KLHL12: variants seen among roughly 807,000 people sequenced by gnomAD.
The protein encoded by KLHL12 is kelch like family member 12.
Under a neutral mutation model 60.8 loss-of-function variants are expected in KLHL12, and 17 were observed. That is an observed-to-expected ratio of 0.28 (90% CI 0.19 to 0.42). The LOEUF (loss-of-function observed/expected upper bound fraction) is 0.42, where lower values mean the gene tolerates loss of function less well. Among genes scored for constraint, KLHL12 ranks in the 10% least tolerant of loss-of-function variants. KLHL12 has a pLI of 1.00. For synonymous variants in KLHL12, 220 were observed against 250.9 expected, an observed-to-expected ratio of 0.88 and a Z score of 1.16; for missense variants, 468 against 722.3, an observed-to-expected ratio of 0.65 and a Z score of 4.04.
At position 202,893,102 on chromosome 1, in the gene KLHL12, C is replaced by A. The variant is rs1659727128; in HGVS notation, c.1580+137G>T. 1.6e-6 allele frequency: 1 copy of A among 632,684 alleles called. No individual in the cohort carries two copies. Among genetic ancestry groups the A allele is most frequent in the Non-Finnish European group, 2.6e-6 (1 of 377,720 alleles). The allele number at this position is 632,684 out of a possible 1,614,324, so 39.2% of individuals were successfully genotyped here. On this transcript the variant is annotated intron_variant, in intron 11 of 11. Coordinates refer to ENST00000367261, the MANE Select transcript of KLHL12 (RefSeq NM_021633.4). The surrounding 1 kb of genome is among the most constrained non-coding windows in gnomAD (Gnocchi z 4.1). The stretch of plus-strand genomic sequence containing the variant: ...TCTGTCTCTAAAAAATAAAAAAAAT[C>A]TAATAAAAAAAATCAAGTTGCCACT...
intron 2 of KLHL12, among the ~76,000 whole-genome samples, chr1:202,924,577 T>G (rs1049897582): frequency 6.6e-6 from 1 of 152,084 alleles, no homozygotes; most frequent in Middle Eastern, 3.2e-3. Context: ...GTGGGCAACA[T>G]AGTGAGACCC....
chr1:202,912,062 T>C (rs1423662780), intron 4 of KLHL12: 2 of 787,962 alleles, frequency 2.5e-6, no homozygotes, highest in Admixed American at 3.4e-5. Flanking sequence ...GATGGAAGAG[T>C]TGGAGAACCA....
rs528318422 is a variant in KLHL12 at position 202,892,111 on chromosome 1, C to G, written c.*422G>C. Reference sequence around the variant, plus strand: ...AAAAAAAAAAAGACTTGGATTTTACCAAGTTTACTTAAACTGGTATCTTTC... The same window carrying G: ...AAAAAAAAAAAGACTTGGATTTTACGAAGTTTACTTAAACTGGTATCTTTC... On this transcript the variant is annotated 3_prime_UTR_variant, in exon 12 of 12. Transcript: ENST00000367261. 2.0e-5 allele frequency: 3 copies of G among 150,278 alleles called. No homozygotes were observed. The highest frequency in any genetic ancestry group is 7.4e-5 in the African/African-American group (3 of 40,684). The allele number at this position is 150,278 out of a possible 1,614,324, so 9.3% of individuals were successfully genotyped here. A position where few individuals can be genotyped will look rare whatever the true frequency, so the allele number is the denominator to read the frequency against.
chr1:202,911,269 A>G, intron 4 of KLHL12, 66 bp from the exon 5 acceptor site: 2 of 1,543,742 alleles, frequency 1.3e-6, no homozygotes, highest in Non-Finnish European at 1.8e-6. Context: ...TCAAAACGTA[A>G]CCACGTTCAC....
At chr1:202,927,567 C>T (rs968612032), upstream of KLHL12, among the ~76,000 whole-genome samples, 2 of 143,626 alleles carry the variant, frequency 1.4e-5, no homozygotes, top group Admixed American at 7.1e-5. Flanking sequence ...CCTGTAGTCC[C>T]AGCTACTCGA....
chr1:202,919,482 A>T (rs944795339), intron 3 of KLHL12, among the ~76,000 whole-genome samples: 7 of 152,196 alleles, frequency 4.6e-5, no homozygotes, highest in Non-Finnish European at 1.0e-4. Flanking sequence ...TATGTAAGAA[A>T]ACACATAATT....
chr1:202,906,794 T>C (rs1227936019), intron 6 of KLHL12, among the ~76,000 whole-genome samples: 1 of 152,092 alleles, frequency 6.6e-6, no homozygotes, highest in East Asian at 1.9e-4. Flanking sequence ...CCAGAGTAGC[T>C]GGGATTACAG....
intron 6 of KLHL12, among the ~76,000 whole-genome samples, chr1:202,901,191 C>G (rs1308749814): frequency 6.6e-6 from 1 of 152,150 alleles, no homozygotes; most frequent in Non-Finnish European, 1.5e-5. Flanking sequence ...CTGAAATTTT[C>G]CCAATAAACA....
At chr1:202,910,492 T>G (rs1288283199) in intron 5 of KLHL12, among the ~76,000 whole-genome samples, 1 of 152,254 alleles carries the variant, frequency 6.6e-6, no homozygotes, top group African/African-American at 2.4e-5. Context: ...CTCTTCTTGC[T>G]GGGTTACCTA....
At chr1:202,916,091 T>C (rs1365945115) in intron 4 of KLHL12, among the ~76,000 whole-genome samples, 1 of 152,232 alleles carries the variant, frequency 6.6e-6, no homozygotes, top group East Asian at 1.9e-4. Flanking sequence ...CCAAGTCTGA[T>C]GAATATGTTT....
intron 11 of KLHL12, 109 bp from the exon 12 acceptor site, chr1:202,892,768 G>T: frequency 1.6e-6 from 2 of 1,215,768 alleles, no homozygotes; most frequent in Non-Finnish European, 2.3e-6. Context: ...CTTAAGCCCA[G>T]GAGGGAATTT....
chr1:202,920,592 G>A (rs934507500), intron 2 of KLHL12, among the ~76,000 whole-genome samples: 5 of 151,676 alleles, frequency 3.3e-5, no homozygotes, highest in Admixed American at 6.6e-5. Context: ...TAGCCAGGAT[G>A]GTCTCGATCT....
upstream of KLHL12, among the ~76,000 whole-genome samples, chr1:202,927,852 C>A (rs918321195): frequency 2.3e-4 from 35 of 151,444 alleles, no homozygotes; most frequent in African/African-American, 8.2e-4. Flanking sequence ...CGTTGTGGCA[C>A]GCGCCTGTAA....
rs41264019 is a variant in KLHL12, at chr1:202,891,552, C to G, written c.*981G>C. The G allele has an allele frequency of 6.6e-6, 1 of 152,332 alleles. No homozygotes were observed. The highest frequency in any genetic ancestry group is 1.5e-5 in the Non-Finnish European group (1 of 68,040). The allele number at this position is 152,332 out of a possible 1,614,324, so 9.4% of individuals were successfully genotyped here. ...ACTACTAGGCTACTGTCACTCCCAG[C>G]CCATCCCCAAATAAATAGTGTGGAA... On this transcript the variant is annotated 3_prime_UTR_variant, in exon 12 of 12. Coordinates refer to ENST00000367261, the MANE Select transcript of KLHL12 (RefSeq NM_021633.4).
rs142345049 is a variant in KLHL12, at chr1:202,907,864, C to T, written c.832+1146G>A. 2.0e-4 allele frequency among the ~76,000 whole-genome samples: 31 copies of T among 151,988 alleles called. No individual in the cohort carries two copies. In the East Asian group the frequency reaches 2.9e-3, roughly 14 times the overall value. On this transcript the variant is annotated intron_variant, in intron 6 of 11. Coordinates refer to ENST00000367261, the MANE Select transcript of KLHL12 (RefSeq NM_021633.4). ...CTAAGGCTGCAGTGAACCGAGATCA[C>T]GCCACTGCACTCCACCCTGGGCAAC...
In KLHL12 at chr1:202,893,494, A is replaced by C; in HGVS notation, c.1394-69T>G. ...AGAATCTGAATTATAGAAATAAACT[A>C]CGGTCACTAATGACTAGCTGAGTTC... is the stretch of plus-strand genomic sequence containing the variant. On this transcript the variant is annotated intron_variant, in intron 10 of 11. Coordinates refer to ENST00000367261, the MANE Select transcript of KLHL12 (RefSeq NM_021633.4). This position sits in a 1 kb window ranked among gnomAD's most constrained non-coding sequence, Gnocchi z 4.1. 7.5e-7 allele frequency: 1 copy of C among 1,341,870 alleles called. No homozygotes were observed. The highest frequency in any genetic ancestry group is 1.0e-6 in the Non-Finnish European group (1 of 959,256). 83.1% of individuals were successfully genotyped at this position (1,341,870 alleles called of 1,614,324 possible).
chr1:202,904,507 A>G (rs1660123871), intron 6 of KLHL12, among the ~76,000 whole-genome samples: 1 of 152,230 alleles, frequency 6.6e-6, no homozygotes, highest in African/African-American at 2.4e-5. Flanking sequence ...TACTCAAACA[A>G]TCTGACTCGT....
At chr1:202,912,626 G>A (rs1054279621) in intron 4 of KLHL12, 1 of 1,339,700 alleles carries the variant, frequency 7.5e-7, no homozygotes, top group Non-Finnish European at 1.1e-6. Flanking sequence ...CAGAAGCTCT[G>A]GGCCCCTATG....
chr1:202,894,268 A>C lies in KLHL12; in HGVS notation c.1309T>G (p.Leu437Val), dbSNP rs553724866. ...VIYCLGGYDG[L>V]NILNSVEKYD... Reference sequence around the variant, plus strand: ...TTCTCAACTGAATTTAAGATATTCAAGCCGTCATATCCTCCTGGAAGACAG... The same window carrying C: ...TTCTCAACTGAATTTAAGATATTCACGCCGTCATATCCTCCTGGAAGACAG... The change falls in exon 10 of 12, where the codon TTG becomes GTG. Residue 437 changes from leucine (L) to valine (V), a missense_variant. Physicochemically the swap from Leu to Val is conservative, Grantham distance 32. Transcript: ENST00000367261. 2 of 1,553,708 alleles carry C rather than the reference A, an allele frequency of 1.3e-6. No homozygotes were observed. Among genetic ancestry groups the C allele is most frequent in the Middle Eastern group, 1.7e-4 (1 of 5,984 alleles).
Sources: allele counts gnomAD v4.1 joint callset (sites outside exome capture counted in the v4.1 genomes callset), GRCh38; gene constraint gnomAD v4.1.1; non-coding constraint Gnocchi (gnomAD v3.1); transcripts MANE v1.5; gene names NCBI Gene and HGNC (gene_info 2026-07-23, HGNC 2026-07-21).